LRP2: variants seen among roughly 807,000 people sequenced by gnomAD.
LRP2 encodes the protein LDL receptor related protein 2.
A neutral mutation model predicts 531.0 loss-of-function variants in LRP2; 172 were observed. The ratio of observed to expected loss-of-function variants is 0.32; its 90% CI spans 0.29 to 0.37. The LOEUF (loss-of-function observed/expected upper bound fraction) is 0.37, where lower values mean the gene tolerates loss of function less well. Ranked by LOEUF, LRP2 falls within the 10% of genes least tolerant of loss-of-function variation. LRP2 has a pLI of 1.00. For synonymous variants in LRP2, 1,992 were observed against 2,027.6 expected (o/e 0.98, Z 0.47); for missense variants, 5,167 against 5,868.3 (o/e 0.88, Z 3.90).
intron 43 of LRP2, 141 bp from the exon 44 acceptor site, chr2:169,202,011 G>A: frequency 4.0e-6 from 4 of 1,006,132 alleles, no homozygotes; most frequent in Non-Finnish European, 5.9e-6. Flanking sequence ...TGCATGCAAA[G>A]TGAGATAACA....
At chr2:169,145,640 G>A in intron 70 of LRP2, 107 bp downstream of exon 70, 1 of 1,097,840 alleles carries the variant, frequency 9.1e-7, no homozygotes, top group African/African-American at 1.5e-5. Context: ...CATGCACCAA[G>A]AGATTAGCTT....
intron 49 of LRP2, 54 bp from the exon 50 acceptor site, chr2:169,186,073 T>C: frequency 6.6e-7 from 1 of 1,507,786 alleles, no homozygotes; most frequent in South Asian, 1.1e-5. Context: ...ACCAACTCAC[T>C]ATAATGGTTC....
chr2:169,169,933 C>T lies in LRP2; in HGVS notation c.11381-115G>A, dbSNP rs538336436. On this transcript the variant is annotated intron_variant, in intron 59 of 78. Transcript: ENST00000649046. ...TCCTATCTACACCCTGTGACTGGCT[C>T]ACAGCAAACCCACAACTTGTGGTTA... The T allele has an allele frequency of 2.4e-3, 1,841 of 755,760 alleles. 3 individuals are homozygous for T. Among genetic ancestry groups the T allele is most frequent in the Non-Finnish European group, 3.6e-3 (1,498 of 420,876 alleles). 46.8% of individuals were successfully genotyped at this position (755,760 alleles called of 1,614,324 possible).
At chr2:169,191,731 G>A (rs1003287058) in intron 48 of LRP2, 101 bp downstream of exon 48, 1 of 916,348 alleles carries the variant, frequency 1.1e-6, no homozygotes, top group African/African-American at 1.6e-5. Context: ...AAAGCATCAT[G>A]GGCCCTGGGC....
intron 1 of LRP2, among the ~76,000 whole-genome samples, chr2:169,357,225 T>A (rs976962392): frequency 1.3e-5 from 2 of 151,460 alleles, no homozygotes; most frequent in Non-Finnish European, 2.9e-5. Context: ...CCCTTTCCTA[T>A]CCATTCAACA....
chr2:169,241,507 G>T lies in LRP2; in HGVS notation c.3668-142C>A, dbSNP rs1324266514. Reference sequence around the variant, plus strand: ...ACCAAATTAATATTTAAGGCTAAATGATATAGAGTCTTCTCCCACACTCTA... The same window carrying T: ...ACCAAATTAATATTTAAGGCTAAATTATATAGAGTCTTCTCCCACACTCTA... On this transcript the variant is annotated intron_variant, in intron 24 of 78. Coordinates refer to ENST00000649046, the MANE Select transcript of LRP2 (RefSeq NM_004525.3). The T allele has an allele frequency of 1.7e-5, 15 of 894,832 alleles. No individual in the cohort carries two copies. The Admixed American group carries it at 2.8e-4, about 17-fold the overall frequency. The allele number at this position is 894,832 out of a possible 1,614,324, so 55.4% of individuals were successfully genotyped here. A position where few individuals can be genotyped will look rare whatever the true frequency, so the allele number is the denominator to read the frequency against.
intron 67 of LRP2, among the ~76,000 whole-genome samples, chr2:169,152,504 T>C (rs1196717900): frequency 1.3e-5 from 2 of 152,226 alleles, no homozygotes; most frequent in Non-Finnish European, 1.5e-5. Flanking sequence ...ATAGTAAATA[T>C]AATATTCACT....
At chr2:169,156,455 T>A (rs1383999789) in intron 64 of LRP2, 50 bp from the exon 65 acceptor site, 1 of 1,609,836 alleles carries the variant, frequency 6.2e-7, no homozygotes, top group Non-Finnish European at 8.5e-7. Context: ...CATCCATTCC[T>A]TAGAGATCTT....
chr2:169,280,289 G>A, intron 11 of LRP2, 61 bp downstream of exon 11: 1 of 1,592,240 alleles, frequency 6.3e-7, no homozygotes, highest in Non-Finnish European at 8.6e-7. Context: ...CCCTCTAAAA[G>A]TGAAAAGCTA....
chr2:169,358,971 G>A (rs528954417), intron 1 of LRP2, among the ~76,000 whole-genome samples: 3 of 150,152 alleles, frequency 2.0e-5, no homozygotes, highest in African/African-American at 7.3e-5. Context: ...AGAACTGTTA[G>A]TGAAAAATGC....
At chr2:169,182,407 G>A in intron 50 of LRP2, 88 bp from the exon 51 acceptor site, 2 of 1,596,306 alleles carry the variant, frequency 1.3e-6, no homozygotes, top group Non-Finnish European at 1.7e-6. Context: ...CAAGCTACCT[G>A]AGAATCACAG....
chr2:169,187,094 G>T (rs1023739147), intron 49 of LRP2, among the ~76,000 whole-genome samples: 2 of 151,720 alleles, frequency 1.3e-5, no homozygotes, highest in Admixed American at 1.3e-4. Context: ...CAACTTTTAA[G>T]TTCAGGGGTA....
chr2:169,346,290 T>C (rs1197145420), intron 1 of LRP2, among the ~76,000 whole-genome samples: 2 of 152,224 alleles, frequency 1.3e-5, no homozygotes, highest in Non-Finnish European at 2.9e-5. Context: ...GTCTTTCAGT[T>C]AGTATGTTCA....
At chr2:169,291,332 T>G (rs1447493991) in intron 7 of LRP2, among the ~76,000 whole-genome samples, 1 of 152,204 alleles carries the variant, frequency 6.6e-6, no homozygotes, top group Non-Finnish European at 1.5e-5. Flanking sequence ...ATTATAGAAT[T>G]AGGGCCATCA....
At chr2:169,342,300 A>G (rs1023972852) in intron 1 of LRP2, among the ~76,000 whole-genome samples, 7 of 152,210 alleles carry the variant, frequency 4.6e-5, no homozygotes, top group Admixed American at 1.3e-4. Flanking sequence ...CAACTTATAA[A>G]ACAAATAACA....
At chr2:169,328,189 G>A (rs1312967297) in intron 1 of LRP2, among the ~76,000 whole-genome samples, 2 of 122,176 alleles carry the variant, frequency 1.6e-5, no homozygotes, top group Non-Finnish European at 3.5e-5. Context: ...GGAGGGAGGT[G>A]GGGGGGTCAG....
chr2:169,164,347 G>T (rs2268374), intron 62 of LRP2, among the ~76,000 whole-genome samples: 120,675 of 152,202 alleles, frequency 0.79, 48,404 homozygotes, highest in African/African-American at 0.9. Context: ...TTTCAGTTTC[G>T]GAATGGACTA....
At chr2:169,232,448 A>G in intron 30 of LRP2, among the ~76,000 whole-genome samples, 1 of 151,686 alleles carries the variant, frequency 6.6e-6, no homozygotes, top group East Asian at 2.0e-4. Flanking sequence ...CACCAGAAAA[A>G]TGGTAGGTAT....
intron 20 of LRP2, among the ~76,000 whole-genome samples, 161 bp from the exon 21 acceptor site, chr2:169,247,147 A>G (rs1050315048): frequency 3.9e-5 from 6 of 152,218 alleles, no homozygotes; most frequent in African/African-American, 1.2e-4. Context: ...ACAACATTCC[A>G]TTTAGGTATG....
Sources: allele counts gnomAD v4.1 joint callset (sites outside exome capture counted in the v4.1 genomes callset), GRCh38; gene constraint gnomAD v4.1.1; transcripts MANE v1.5; gene names NCBI Gene and HGNC (gene_info 2026-07-23, HGNC 2026-07-21).